Variants in ZNF804A observed in about 807,000 individuals in gnomAD.
ZNF804A encodes zinc finger protein 804A.
ZNF804A carries 2 observed loss-of-function variants against 16.5 expected under a neutral mutation model. That is an observed-to-expected ratio of 0.12 (90% CI 0.05 to 0.38). ZNF804A has a LOEUF of 0.38. ZNF804A is among the 10% of genes least tolerant of loss of function. The pLI is 0.99. For synonymous variants in ZNF804A, 534 were observed against 489.6 expected, an observed-to-expected ratio of 1.09 and a Z score of -1.20; for missense variants, 1,473 against 1,390.7, an observed-to-expected ratio of 1.06 and a Z score of -0.94.
intron 1 of ZNF804A, among the ~76,000 whole-genome samples, chr2:184,665,099 CA>C (rs1314731164): frequency 1.3e-5 from 2 of 152,026 alleles, no homozygotes; most frequent in Non-Finnish European, 2.9e-5. Context: ...TTAATATTTA[CA>C]CAAAGACAAA....
chr2:184,722,859 A>G (rs1693340033), intron 1 of ZNF804A, among the ~76,000 whole-genome samples: 2 of 152,112 alleles, frequency 1.3e-5, no homozygotes, highest in South Asian at 2.1e-4. Flanking sequence ...GAGATCATAG[A>G]TGAGTTTTAA....
At chr2:184,848,139 C>T (rs1695547545) in intron 1 of ZNF804A, among the ~76,000 whole-genome samples, 1 of 152,020 alleles carries the variant, frequency 6.6e-6, no homozygotes, top group African/African-American at 2.4e-5. Flanking sequence ...ACCTTCTAAT[C>T]ATGTCTTGGA....
At chr2:184,675,779 C>T (rs1692413524) in intron 1 of ZNF804A, among the ~76,000 whole-genome samples, 1 of 151,740 alleles carries the variant, frequency 6.6e-6, no homozygotes, top group African/African-American at 2.4e-5. Flanking sequence ...TTGTTTGCAG[C>T]ATCTGTATTC....
At chr2:184,816,715 G>A (rs1374203045) in intron 1 of ZNF804A, among the ~76,000 whole-genome samples, 1 of 151,886 alleles carries the variant, frequency 6.6e-6, no homozygotes, top group Non-Finnish European at 1.5e-5. Context: ...ACCTTTGAAA[G>A]TGTTGTCTCA....
At chr2:184,605,763 A>G (rs1011863428) in intron 1 of ZNF804A, among the ~76,000 whole-genome samples, 7 of 152,266 alleles carry the variant, frequency 4.6e-5, no homozygotes, top group Admixed American at 4.6e-4. Context: ...GGGGGATCTT[A>G]GAACCACTTC....
Position 184,936,040 on chromosome 2 carries a change from C to G in ZNF804A, c.644C>G (p.Ser215Cys). ...QGIHRHKIGF[S>C]FAFPKKASVK... ...ATTCACAGACACAAAATCGGCTTTT[C>G]TTTTGCATTTCCAAAGAAAGCGTCC... Residue 215 changes from serine to cysteine, a missense_variant, in exon 4 of 4, where the codon TCT (serine) becomes TGT (cysteine). Physicochemically the swap from Ser to Cys is moderately radical, Grantham distance 112. Coordinates refer to ENST00000302277, the MANE Select transcript of ZNF804A (RefSeq NM_194250.2). 1 of 1,614,058 alleles carries G rather than the reference C, an allele frequency of 6.2e-7. No homozygotes were observed. The highest frequency in any genetic ancestry group is 8.5e-7 in the Non-Finnish European group (1 of 1,179,952).
intron 1 of ZNF804A, among the ~76,000 whole-genome samples, chr2:184,666,256 A>G (rs976459607): frequency 5.3e-5 from 8 of 152,292 alleles, no homozygotes; most frequent in Admixed American, 2.6e-4. Flanking sequence ...AATATCGTAT[A>G]TCATATTTGA....
chr2:184,789,854 T>C (rs1015687130), intron 1 of ZNF804A, among the ~76,000 whole-genome samples: 1 of 151,980 alleles, frequency 6.6e-6, no homozygotes, highest in Non-Finnish European at 1.5e-5. Context: ...TTTTATTTCT[T>C]TTCTTCTGCT....
intron 1 of ZNF804A, among the ~76,000 whole-genome samples, chr2:184,666,668 A>C (rs1692260659): frequency 6.6e-6 from 1 of 152,060 alleles, no homozygotes; most frequent in Non-Finnish European, 1.5e-5. Context: ...CATCTCAGGC[A>C]AATTAGCATA....
intron 1 of ZNF804A, among the ~76,000 whole-genome samples, chr2:184,746,001 T>C (rs1693784229): frequency 6.6e-6 from 1 of 151,650 alleles, no homozygotes; most frequent in Non-Finnish European, 1.5e-5. Flanking sequence ...TTTTTAAAAA[T>C]TAAGCTTTAT....
At chr2:184,810,485 T>A (rs971352832) in intron 1 of ZNF804A, among the ~76,000 whole-genome samples, 3 of 109,332 alleles carry the variant, frequency 2.7e-5, no homozygotes, top group African/African-American at 1.4e-4. Context: ...GTTCTTTTCC[T>A]TTTTTTTTTT....
intron 1 of ZNF804A, among the ~76,000 whole-genome samples, chr2:184,852,899 C>T (rs1288413457): frequency 6.6e-6 from 1 of 151,696 alleles, no homozygotes; most frequent in Non-Finnish European, 1.5e-5. Flanking sequence ...TTTGTTCTCT[C>T]TATTCAAGGT....
intron 1 of ZNF804A, among the ~76,000 whole-genome samples, chr2:184,640,177 A>G (rs943886648): frequency 3.3e-5 from 5 of 151,688 alleles, no homozygotes; most frequent in African/African-American, 9.7e-5. Flanking sequence ...TTTACCAAAG[A>G]AAAAAAAGAA....
chr2:184,681,666 T>C (rs954810137), intron 1 of ZNF804A, among the ~76,000 whole-genome samples: 1 of 152,234 alleles, frequency 6.6e-6, no homozygotes, highest in Non-Finnish European at 1.5e-5. Context: ...GTGCAGTCAC[T>C]GCAGGGATGC....
At chr2:184,654,726 G>C (rs958685525) in intron 1 of ZNF804A, among the ~76,000 whole-genome samples, 1 of 152,116 alleles carries the variant, frequency 6.6e-6, no homozygotes, top group Non-Finnish European at 1.5e-5. Flanking sequence ...CTATGAAAAA[G>C]CATATAGGAT....
intron 1 of ZNF804A, among the ~76,000 whole-genome samples, chr2:184,789,100 T>C (rs1694492890): frequency 6.6e-6 from 1 of 152,120 alleles, no homozygotes; most frequent in Admixed American, 6.6e-5. Flanking sequence ...GCTGATCACA[T>C]GGTTTTTGTA....
chr2:184,896,353 A>G (rs1376062312), intron 2 of ZNF804A, among the ~76,000 whole-genome samples: 2 of 151,828 alleles, frequency 1.3e-5, no homozygotes, highest in Non-Finnish European at 2.9e-5. Flanking sequence ...GTCATGAAGC[A>G]TCTTCATGTT....
chr2:184,919,156 T>A lies in ZNF804A; in HGVS notation c.256-14447T>A, dbSNP rs1350644695. Among the ~76,000 whole-genome samples the A allele has an allele frequency of 7.2e-5, 11 of 152,186 alleles. No individual in the cohort carries two copies. The East Asian group carries it at 1.9e-3, about 27-fold the overall frequency. Reference sequence around the variant, plus strand: ...GATAAGCTAATCCACAGATGATAGTTTTGTGAGAATCATTGAGTGCAGGGA... The same window carrying A: ...GATAAGCTAATCCACAGATGATAGTATTGTGAGAATCATTGAGTGCAGGGA... On this transcript the variant is annotated intron_variant, in intron 2 of 3. Coordinates refer to ENST00000302277, the MANE Select transcript of ZNF804A (RefSeq NM_194250.2).
At chr2:184,892,353 G>C (rs1170486394) in intron 2 of ZNF804A, among the ~76,000 whole-genome samples, 1 of 152,072 alleles carries the variant, frequency 6.6e-6, no homozygotes, top group African/African-American at 2.4e-5. Flanking sequence ...AGAAAAACAA[G>C]GGTAATGTGC....
Sources: gnomAD v4.1 joint callset for allele counts (sites outside exome capture counted in the v4.1 genomes callset) on GRCh38, gnomAD v4.1.1 for gene constraint, MANE v1.5 for transcripts, NCBI Gene and HGNC (gene_info 2026-07-23, HGNC 2026-07-21) for gene names.